The following DIP2B variants were observed in gnomAD, a reference collection of about 807,000 sequenced individuals.
The protein encoded by DIP2B is disco-interacting protein 2 homolog B.
DIP2B carries 76 observed loss-of-function variants against 198.0 expected under a neutral mutation model. The ratio of observed to expected loss-of-function variants is 0.38; its 90% CI spans 0.32 to 0.46. The LOEUF (loss-of-function observed/expected upper bound fraction) is 0.46. Among genes scored for constraint, DIP2B ranks in the 20% least tolerant of loss-of-function variants. The probability of loss-of-function intolerance (pLI) is 0.99; values close to 1 mark genes in which losing one functional copy is unlikely to be tolerated. For synonymous variants in DIP2B, 701 were observed against 739.1 expected, an observed-to-expected ratio of 0.95 and a Z score of 0.84; for missense variants, 1,559 against 1,978.4, an observed-to-expected ratio of 0.79 and a Z score of 4.02.
rs773481032 is a variant in DIP2B at position 50,732,374 on chromosome 12, G to A, written c.3819G>A (p.Gly1273=). 6.2e-7 allele frequency: 1 copy of A among 1,614,190 alleles called. No individual in the cohort carries two copies. The highest frequency in any genetic ancestry group is 8.5e-7 in the Non-Finnish European group (1 of 1,180,022). The change falls in exon 32 of 38, where the codon GGG becomes GGA. Residue 1273 remains glycine, a synonymous_variant. Coordinates refer to ENST00000301180, the MANE Select transcript of DIP2B (RefSeq NM_173602.3). ...GNQVEVLKTR[G]INLSCVRTCV... ...ATAATGGTGTCTTGCAGACCAGAGG[G>A]ATCAACCTCTCCTGCGTCCGGACCT...
intron 23 of DIP2B, among the ~76,000 whole-genome samples, chr12:50,717,119 A>G (rs1488911193): frequency 6.7e-6 from 1 of 150,372 alleles, no homozygotes. Flanking sequence ...TAATTTTTGT[A>G]TTTTTAGTAG....
At chr12:50,505,818 A>G (rs1016730540) in intron 1 of DIP2B, among the ~76,000 whole-genome samples, 1 of 152,042 alleles carries the variant, frequency 6.6e-6, no homozygotes, top group Non-Finnish European at 1.5e-5. Context: ...ATTAACCCAG[A>G]GAGACACACG....
intron 17 of DIP2B, among the ~76,000 whole-genome samples, chr12:50,697,520 G>A (rs1565874421): frequency 7.9e-6 from 1 of 127,054 alleles, no homozygotes; most frequent in Non-Finnish European, 1.6e-5. Context: ...GTGTGTGTGT[G>A]TATATAGATA....
At chr12:50,729,887 A>C (rs1475187706) in intron 30 of DIP2B, among the ~76,000 whole-genome samples, 1 of 151,068 alleles carries the variant, frequency 6.6e-6, no homozygotes, top group Non-Finnish European at 1.5e-5. Flanking sequence ...ACACCACCAC[A>C]CCTGGCTAAT....
At chr12:50,530,976 T>G (rs144207393) in intron 1 of DIP2B, among the ~76,000 whole-genome samples, 1 of 152,308 alleles carries the variant, frequency 6.6e-6, no homozygotes, top group East Asian at 1.9e-4. Context: ...CCTGAAGATA[T>G]ACATTCAGTA....
intron 17 of DIP2B, among the ~76,000 whole-genome samples, chr12:50,697,559 T>TTTA (rs1939337573): frequency 6.9e-6 from 1 of 145,860 alleles, no homozygotes; most frequent in African/African-American, 2.5e-5. Flanking sequence ...TTTTTTTTTT[T>TTTA]TAGATAGGAT....
At position 50,744,698 on chromosome 12, in the gene DIP2B, T is replaced by C. The variant is rs1565889239; in HGVS notation, c.4590T>C (p.His1530=). ...PLVTNVVLEE[H]YLIVGVVVVV... ...TGACCAACGTGGTCCTGGAAGAGCATTACCTCATCGTTGGCGTCGTGGTTG... is the reference window on the plus strand; with the variant it reads ...TGACCAACGTGGTCCTGGAAGAGCACTACCTCATCGTTGGCGTCGTGGTTG... The change falls in exon 38 of 38, where the codon CAT becomes CAC. Residue 1530 remains histidine, a synonymous_variant. Coordinates refer to ENST00000301180, the MANE Select transcript of DIP2B (RefSeq NM_173602.3). The C allele has an allele frequency of 2.5e-6, 4 of 1,614,180 alleles. No homozygotes were observed. Among genetic ancestry groups the C allele is most frequent in the Non-Finnish European group, 3.4e-6 (4 of 1,180,042 alleles).
intron 22 of DIP2B, among the ~76,000 whole-genome samples, chr12:50,710,025 C>T (rs901206014): frequency 6.6e-6 from 1 of 152,054 alleles, no homozygotes; most frequent in African/African-American, 2.4e-5. Context: ...TAGAGAGGAC[C>T]ACTTCCTCTC....
intron 25 of DIP2B, 101 bp downstream of exon 25, chr12:50,719,136 T>G (rs1375182418): frequency 1.6e-6 from 2 of 1,285,874 alleles, no homozygotes; most frequent in East Asian, 5.0e-5. Flanking sequence ...TGTTGCCATC[T>G]CTGAAGAAGG....
At chr12:50,582,227 C>T (rs1958732366) in intron 1 of DIP2B, among the ~76,000 whole-genome samples, 1 of 138,884 alleles carries the variant, frequency 7.2e-6, no homozygotes, top group Admixed American at 7.7e-5. Flanking sequence ...TCTCAGCTCA[C>T]TGCAGCCTCC....
intron 4 of DIP2B, among the ~76,000 whole-genome samples, chr12:50,664,657 G>A (rs1938713775): frequency 6.6e-6 from 1 of 151,898 alleles, no homozygotes; most frequent in African/African-American, 2.4e-5. Context: ...CTTACCCTTT[G>A]CTGCGTTCTG....
chr12:50,589,483 A>G (rs947331317), intron 1 of DIP2B, among the ~76,000 whole-genome samples: 6 of 152,112 alleles, frequency 3.9e-5, no homozygotes, highest in Non-Finnish European at 7.4e-5. Flanking sequence ...CCAGCCATTA[A>G]TTTAAAATTT....
At chr12:50,729,775 G>T (rs1428524816) in intron 30 of DIP2B, among the ~76,000 whole-genome samples, 2 of 149,408 alleles carry the variant, frequency 1.3e-5, no homozygotes, top group Non-Finnish European at 3.0e-5. Context: ...TGTTGCCCAG[G>T]CTGGAGTGCA....
intron 1 of DIP2B, among the ~76,000 whole-genome samples, chr12:50,551,023 A>G (rs865866473): frequency 6.6e-6 from 1 of 152,084 alleles, no homozygotes; most frequent in Non-Finnish European, 1.5e-5. Context: ...TGGGGAGGTC[A>G]GGGCTGCAGT....
chr12:50,533,438 A>G (rs1958235830), intron 1 of DIP2B, among the ~76,000 whole-genome samples: 2 of 151,842 alleles, frequency 1.3e-5, no homozygotes, highest in South Asian at 2.1e-4. Context: ...GTCGAACTAG[A>G]GTTTTGGCTG....
intron 1 of DIP2B, among the ~76,000 whole-genome samples, chr12:50,553,528 G>A (rs1038325028): frequency 2.0e-5 from 3 of 152,176 alleles, no homozygotes; most frequent in Non-Finnish European, 2.9e-5. Context: ...TATAAGGTAC[G>A]ACTGAATTAA....
chr12:50,506,218 A>C (rs1565805936), intron 1 of DIP2B, among the ~76,000 whole-genome samples: 1 of 152,202 alleles, frequency 6.6e-6, no homozygotes, highest in East Asian at 1.9e-4. Flanking sequence ...ATTTTCTCCA[A>C]GCTTGATACC....
intron 26 of DIP2B, among the ~76,000 whole-genome samples, chr12:50,722,205 C>A (rs78211552): frequency 6.6e-6 from 1 of 151,640 alleles, no homozygotes; most frequent in Admixed American, 6.6e-5. Context: ...GGCCTGTTAT[C>A]CCCCCACACT....
rs1414424559 is a variant in DIP2B, at chr12:50,718,670, C to G, written c.2852-39C>G. 2.6e-6 allele frequency: 4 copies of G among 1,536,934 alleles called. No individual in the cohort carries two copies. The Admixed American group carries it at 5.1e-5, about 20-fold the overall frequency. On this transcript the variant is annotated intron_variant, in intron 23 of 37. Coordinates refer to ENST00000301180, the MANE Select transcript of DIP2B (RefSeq NM_173602.3). ...AATGCTCTGGATACTTAGTTGGAAT[C>G]GCCATCTCCAGTGAGTTGGGTTTTG... is the stretch of plus-strand genomic sequence containing the variant.
Sources: gnomAD v4.1 joint callset for allele counts (sites outside exome capture counted in the v4.1 genomes callset) on GRCh38, gnomAD v4.1.1 for gene constraint, MANE v1.5 for transcripts, NCBI Gene and HGNC (gene_info 2026-07-23, HGNC 2026-07-21) for gene names.